VWA5B1: variants seen among roughly 807,000 people sequenced by gnomAD.
VWA5B1 encodes the protein von Willebrand factor A domain-containing protein 5B1.
In VWA5B1, 115 loss-of-function variants were observed where a neutral mutation model predicts 118.2. The ratio of observed to expected loss-of-function variants is 0.97; its 90% CI spans 0.84 to 1.14. The LOEUF (loss-of-function observed/expected upper bound fraction) is 1.14. VWA5B1 is among the 50% of genes most tolerant of loss of function. The probability of loss-of-function intolerance (pLI) is 0.00; values close to 1 mark genes in which losing one functional copy is unlikely to be tolerated. For synonymous variants in VWA5B1, 682 were observed against 658.4 expected (o/e 1.04, Z -0.55); for missense variants, 1,596 against 1,603.8 (o/e 1.00, Z 0.08).
chr1:20,344,771 G>A (rs1324025161), intron 16 of VWA5B1, among the ~76,000 whole-genome samples: 1 of 152,160 alleles, frequency 6.6e-6, no homozygotes, highest in African/African-American at 2.4e-5. Flanking sequence ...TATTTTACTT[G>A]TATTTTTGTA....
At position 20,327,961 on chromosome 1, in the gene VWA5B1, A is replaced by G. The variant is rs1268371862; in HGVS notation, c.1215A>G (p.Thr405=). The change falls in exon 9 of 22, where the codon ACA becomes ACG. Residue 405 remains threonine (T), a synonymous_variant. Coordinates refer to ENST00000289815, the MANE Select transcript of VWA5B1 (RefSeq NM_001039500.3). ...TCAATATCATTGGGTTTGGATCCAC[A>G]TTTAAGAGCCTTTTTCCTTCCAGCC... is the stretch of plus-strand genomic sequence containing the variant. ...CLFNIIGFGS[T]FKSLFPSSQT... is the part of the protein sequence containing the mutation. 3.2e-6 allele frequency: 5 copies of G among 1,551,400 alleles called. No homozygotes were observed. The East Asian group carries it at 7.3e-5, about 23-fold the overall frequency.
intron 11 of VWA5B1, among the ~76,000 whole-genome samples, chr1:20,332,308 C>T (rs945790810): frequency 2.0e-5 from 3 of 151,730 alleles, no homozygotes; most frequent in Non-Finnish European, 4.4e-5. Flanking sequence ...GGTGAAACCC[C>T]GTCTCTACTA....
intron 13 of VWA5B1, 64 bp downstream of exon 13, chr1:20,336,550 G>GT: frequency 7.8e-7 from 1 of 1,284,526 alleles, no homozygotes; most frequent in Non-Finnish European, 9.9e-7. Context: ...TAAGCACTTG[G>GT]TAAAAACCAC....
At chr1:20,304,553 G>GGGTGTGTGTGTGTGCACGTGCGTGCA (rs2088590474) in intron 1 of VWA5B1, among the ~76,000 whole-genome samples, 1 of 151,714 alleles carries the variant, frequency 6.6e-6, no homozygotes, top group Non-Finnish European at 1.5e-5. Flanking sequence ...AAAAATGGAG[G>GGGTGTGTGTGTGTGCACGTGCGTGCA]TGTGTGTGTG....
intron 7 of VWA5B1, among the ~76,000 whole-genome samples, chr1:20,320,338 A>T (rs1268485093): frequency 6.6e-6 from 1 of 152,232 alleles, no homozygotes; most frequent in South Asian, 2.1e-4. Context: ...ACCACCACCC[A>T]TGCTCTGCCC....
At position 20,310,670 on chromosome 1, in the gene VWA5B1, T is replaced by C; in HGVS notation, c.69T>C (p.Cys23=). ...TCACCGCGTCTGATGTTACCTCCTG[T>C]GTCAGCGGTTATGCCCTGGGCCTAA... The part of the protein sequence containing the change: ...LPLTASDVTS[C]VSGYALGLTA... Residue 23 remains cysteine, a synonymous_variant, in exon 2 of 22, where the codon TGT becomes TGC. Coordinates refer to ENST00000289815, the MANE Select transcript of VWA5B1 (RefSeq NM_001039500.3). 1.9e-6 allele frequency: 3 copies of C among 1,551,178 alleles called. No individual in the cohort carries two copies. Among genetic ancestry groups the C allele is most frequent in the Non-Finnish European group, 2.6e-6 (3 of 1,146,764 alleles).
intron 1 of VWA5B1, among the ~76,000 whole-genome samples, chr1:20,297,738 A>G (rs1171712779): frequency 6.6e-6 from 1 of 152,096 alleles, no homozygotes; most frequent in Non-Finnish European, 1.5e-5. Flanking sequence ...GGCCTCTGCC[A>G]CTCTCAAGCC....
At position 20,306,661 on chromosome 1, in the gene VWA5B1, T is replaced by G. The variant is rs546836516; in HGVS notation, c.-26-3915T>G. The stretch of plus-strand genomic sequence containing the variant: ...TTAGAAATATTTATTGAGCACCTAT[T>G]ATGTGCCAGGCATAAATATGAATAA... On this transcript the variant is annotated intron_variant, in intron 1 of 21. Coordinates refer to ENST00000289815, the MANE Select transcript of VWA5B1 (RefSeq NM_001039500.3). 9.5e-4 allele frequency among the ~76,000 whole-genome samples: 145 copies of G among 152,294 alleles called. 1 individual carries two copies. The highest frequency in any genetic ancestry group is 3.3e-3 in the African/African-American group (139 of 41,562).
rs755532956 is a variant in VWA5B1 at position 20,314,382 on chromosome 1, C to T, written c.353C>T (p.Thr118Ile). Reference sequence around the variant, plus strand: ...CATTCCTGCACACCGGGAAAGGTGACCTTGGACGAGGATTTGGAGCGGATC... The same window carrying T: ...CATTCCTGCACACCGGGAAAGGTGATCTTGGACGAGGATTTGGAGCGGATC... ...APHSCTPGKV[T>I]LDEDLERILF... Residue 118 changes from threonine (T) to isoleucine (I), a missense_variant, in exon 4 of 22, where the codon ACC becomes ATC. Transcript: ENST00000289815. 3 of 1,551,988 alleles carry T rather than the reference C, an allele frequency of 1.9e-6. No homozygotes were observed. The highest frequency in any genetic ancestry group is 2.4e-5 in the South Asian group (2 of 84,064).
In VWA5B1 at chr1:20,314,397, T is replaced by G; in HGVS notation, c.368T>G (p.Leu123Trp). 6 of 1,552,024 alleles carry G rather than the reference T, an allele frequency of 3.9e-6. No individual in the cohort carries two copies. Among genetic ancestry groups the G allele is most frequent in the Non-Finnish European group, 5.2e-6 (6 of 1,147,056 alleles). Residue 123 changes from leucine to tryptophan, a missense_variant, in exon 4 of 22, where the codon TTG becomes TGG. Leu to Trp is a moderately conservative substitution (Grantham distance 61, BLOSUM62 -2). Coordinates refer to ENST00000289815, the MANE Select transcript of VWA5B1 (RefSeq NM_001039500.3). The stretch of plus-strand genomic sequence containing the variant: ...GGAAAGGTGACCTTGGACGAGGATT[T>G]GGAGCGGATCCTGTTCGTGGCCAAC... ...TPGKVTLDED[L>W]ERILFVANLG...
At chr1:20,293,588 C>G (rs1183281056) in intron 1 of VWA5B1, among the ~76,000 whole-genome samples, 1 of 152,198 alleles carries the variant, frequency 6.6e-6, no homozygotes, top group African/African-American at 2.4e-5. Flanking sequence ...CACAGGCGTC[C>G]TTACTCCAGT....
Position 20,345,587 on chromosome 1 carries a change from A to G in VWA5B1, c.2758A>G (p.Asn920Asp). ...CCTGCCCACCGTGGTGGAGTACCCC[A>G]ACTCTGGTAAGGCAGGCGAGCGGCC... ...RYLPTVVEYP[N>D]SGAALRMLGS... The change falls in exon 17 of 22, where the codon AAC (asparagine) becomes GAC (aspartate). Residue 920 changes from asparagine to aspartate, a missense_variant. Asn to Asp is a conservative substitution (Grantham distance 23). Coordinates refer to ENST00000289815, the MANE Select transcript of VWA5B1 (RefSeq NM_001039500.3). 2 of 1,547,320 alleles carry G rather than the reference A, an allele frequency of 1.3e-6. No homozygotes were observed. The highest frequency in any genetic ancestry group is 1.7e-6 in the Non-Finnish European group (2 of 1,144,836).
intron 11 of VWA5B1, 121 bp from the exon 12 acceptor site, chr1:20,332,645 C>T: frequency 2.8e-6 from 3 of 1,081,850 alleles, no homozygotes; most frequent in Non-Finnish European, 4.0e-6. Flanking sequence ...AGGCAAGTCA[C>T]CACAAGGCCT....
intron 21 of VWA5B1, 140 bp from the exon 22 acceptor site, chr1:20,353,617 T>C: frequency 9.1e-7 from 1 of 1,100,014 alleles, no homozygotes; most frequent in Middle Eastern, 3.0e-4. Context: ...AGGATAGAGA[T>C]GCTCAATTGA....
At position 20,317,530 on chromosome 1, in the gene VWA5B1, CAA is replaced by C. The variant is rs1557841622; in HGVS notation, c.566_567del (p.Lys189ArgfsTer15). 12 of 1,551,378 alleles carry C rather than the reference CAA, an allele frequency of 7.7e-6. No homozygotes were observed. The highest frequency in any genetic ancestry group is 1.0e-5 in the Non-Finnish European group (12 of 1,146,864). On this transcript the variant is annotated frameshift_variant and splice_region_variant, in exon 5 of 22. Coordinates refer to ENST00000289815, the MANE Select transcript of VWA5B1 (RefSeq NM_001039500.3). LOFTEE classifies it high-confidence loss of function. ...TGTSNQQAQG[K>X]DRHCFGAWAP... ...TTTCCTTCCCCCGGCCCTTTTCCAGCAAAGACAGGCACTGCTTCGGTGCCTGG... is the reference window on the plus strand; with the variant it reads ...TTTCCTTCCCCCGGCCCTTTTCCAGCAGACAGGCACTGCTTCGGTGCCTGG...
At chr1:20,323,002 G>C (rs1028953740) in intron 7 of VWA5B1, 17 of 171,992 alleles carry the variant, frequency 9.9e-5, no homozygotes, top group Non-Finnish European at 2.0e-4. Flanking sequence ...CGGGCTTCTC[G>C]CGTCTGTGCT....
chr1:20,335,495 G>A (rs1361784185), intron 12 of VWA5B1, among the ~76,000 whole-genome samples: 1 of 152,108 alleles, frequency 6.6e-6, no homozygotes, highest in Admixed American at 6.5e-5. Context: ...GGAGGTTAGG[G>A]ATACTGACCC....
intron 1 of VWA5B1, among the ~76,000 whole-genome samples, chr1:20,303,626 C>G (rs1055302241): frequency 3.3e-5 from 5 of 152,122 alleles, no homozygotes; most frequent in Non-Finnish European, 7.4e-5. Flanking sequence ...ATGGAAGTGG[C>G]CATCCCAGGG....
chr1:20,292,670 C>T (rs895123038), intron 1 of VWA5B1, among the ~76,000 whole-genome samples: 6 of 152,128 alleles, frequency 3.9e-5, no homozygotes, highest in African/African-American at 1.4e-4. Flanking sequence ...TGTGCACATG[C>T]AGAGAATTGT....
Sources: gnomAD v4.1 joint callset for allele counts (sites outside exome capture counted in the v4.1 genomes callset) on GRCh38, gnomAD v4.1.1 for gene constraint, MANE v1.5 for transcripts, NCBI Gene and HGNC (gene_info 2026-07-23, HGNC 2026-07-21) for gene names.